The following ASTN2 variants were observed in gnomAD, a reference collection of about 807,000 sequenced individuals.
ASTN2 encodes the protein astrotactin-2.
A neutral mutation model predicts 139.8 loss-of-function variants in ASTN2; 54 were observed. That is an observed-to-expected ratio of 0.39 (90% CI 0.31 to 0.48). The LOEUF is 0.48. ASTN2 is among the 20% of genes least tolerant of loss of function. The probability of loss-of-function intolerance (pLI) is 0.95; values close to 1 mark genes in which losing one functional copy is unlikely to be tolerated. For synonymous variants in ASTN2, 756 were observed against 719.5 expected, an observed-to-expected ratio of 1.05 and a Z score of -0.81; for missense variants, 1,565 against 1,725.1, an observed-to-expected ratio of 0.91 and a Z score of 1.64.
rs199517410 is a variant in ASTN2 at position 116,557,456 on chromosome 9, TAAATG to T, written c.3355+60863_3355+60867del. ...TCTAATTTTTGCAGTATTCTTGGAT[TAAATG>T]AAAGTATTTATAGCACACAGCATGA... On this transcript the variant is annotated intron_variant, in intron 19 of 22. Coordinates refer to ENST00000313400, the MANE Select transcript of ASTN2 (RefSeq NM_001365068.1). Among the ~76,000 whole-genome samples the T allele has an allele frequency of 6.9e-3, 1,048 of 152,248 alleles. 9 individuals are homozygous for T. Among genetic ancestry groups the T allele is most frequent in the African/African-American group, 0.023 (969 of 41,546 alleles).
chr9:116,555,458 AC>A (rs1232829324), intron 19 of ASTN2, among the ~76,000 whole-genome samples: 7 of 152,160 alleles, frequency 4.6e-5, no homozygotes, highest in Non-Finnish European at 8.8e-5. Flanking sequence ...AACCAGGACA[AC>A]CCTAAACTGT....
intron 10 of ASTN2, among the ~76,000 whole-genome samples, chr9:116,970,766 G>A (rs1457137198): frequency 6.6e-6 from 1 of 152,112 alleles, no homozygotes; most frequent in Non-Finnish European, 1.5e-5. Context: ...TATTCTTTCA[G>A]CGTTGTTCAG....
At chr9:116,529,738 C>T (rs866391197) in intron 19 of ASTN2, among the ~76,000 whole-genome samples, 5 of 151,928 alleles carry the variant, frequency 3.3e-5, no homozygotes, top group Admixed American at 2.0e-4. Context: ...TGAGTGAGTT[C>T]TCATGAGATC....
intron 6 of ASTN2, among the ~76,000 whole-genome samples, chr9:117,023,659 C>G (rs1046318030): frequency 6.6e-6 from 1 of 151,930 alleles, no homozygotes; most frequent in Non-Finnish European, 1.5e-5. Context: ...TGCCCCATGA[C>G]ACATAAGAAA....
chr9:117,066,120 A>C lies in ASTN2; in HGVS notation c.1277-26155T>G. Reference sequence around the variant, plus strand: ...GCCATGCTGGTGCACTGCACCCACTAACTCGTCATCTAGCATTAGGTATAT... The same window carrying C: ...GCCATGCTGGTGCACTGCACCCACTCACTCGTCATCTAGCATTAGGTATAT... On this transcript the variant is annotated intron_variant, in intron 5 of 22. Transcript: ENST00000313400. 2.1e-5 allele frequency among the ~76,000 whole-genome samples: 3 copies of C among 140,000 alleles called. No homozygotes were observed. In the South Asian group the frequency reaches 7.7e-4, roughly 36 times the overall value. The allele number at this position is 140,000 out of a possible 152,430, so 91.8% of individuals were successfully genotyped here.
At chr9:116,634,706 T>G (rs1856988614) in intron 17 of ASTN2, among the ~76,000 whole-genome samples, 1 of 152,186 alleles carries the variant, frequency 6.6e-6, no homozygotes, top group African/African-American at 2.4e-5. Flanking sequence ...TGGAATTATT[T>G]TTATTCTTTG....
intron 7 of ASTN2, among the ~76,000 whole-genome samples, chr9:116,988,259 C>A (rs1836741133): frequency 6.6e-6 from 1 of 152,170 alleles, no homozygotes; most frequent in Non-Finnish European, 1.5e-5. Flanking sequence ...CTTTGTAAAA[C>A]TTCCTGTCTC....
chr9:117,040,578 C>T (rs533488508), intron 5 of ASTN2, among the ~76,000 whole-genome samples: 1 of 152,288 alleles, frequency 6.6e-6, no homozygotes, highest in South Asian at 2.1e-4. Flanking sequence ...CCCACTTCAG[C>T]CTCCTGAGTA....
chr9:117,293,837 A>G (rs1456785202), intron 1 of ASTN2, among the ~76,000 whole-genome samples: 1 of 152,234 alleles, frequency 6.6e-6, no homozygotes, highest in African/African-American at 2.4e-5. Flanking sequence ...CAGGGCTGAA[A>G]GCTGCACTAG....
At chr9:116,589,703 C>T (rs1477112831) in intron 19 of ASTN2, among the ~76,000 whole-genome samples, 1 of 152,188 alleles carries the variant, frequency 6.6e-6, no homozygotes, top group East Asian at 1.9e-4. Context: ...GCTTAGACTC[C>T]CAAGCCTCCA....
chr9:117,171,099 C>T (rs1043444870), intron 3 of ASTN2, among the ~76,000 whole-genome samples: 3 of 151,986 alleles, frequency 2.0e-5, no homozygotes, highest in African/African-American at 7.2e-5. Flanking sequence ...GGACTAACTT[C>T]TCAGGATGCT....
In ASTN2 at chr9:116,926,572, T is replaced by A. The variant is rs907450176; in HGVS notation, c.1889+48636A>T. On this transcript the variant is annotated intron_variant, in intron 10 of 22. Transcript: ENST00000313400. ...GGAGTTACAAGAGATGTTTGACCAA[T>A]GCTCATAATAATACATCTAGCCATG... is the stretch of plus-strand genomic sequence containing the variant. Among the ~76,000 whole-genome samples the A allele has an allele frequency of 3.9e-5, 6 of 152,240 alleles. No homozygotes were observed. The East Asian group carries it at 1.2e-3, about 29-fold the overall frequency.
At chr9:116,811,063 C>T (rs577695276) in intron 12 of ASTN2, among the ~76,000 whole-genome samples, 15 of 152,120 alleles carry the variant, frequency 9.9e-5, no homozygotes, top group Admixed American at 3.9e-4. Context: ...GTAATGTGTT[C>T]GTGTTCTTTC....
At chr9:117,167,140 G>GA (rs1387632809) in intron 3 of ASTN2, among the ~76,000 whole-genome samples, 2 of 151,958 alleles carry the variant, frequency 1.3e-5, no homozygotes, top group South Asian at 2.1e-4. Context: ...AATGGGATCT[G>GA]AAAAAAACCT....
At chr9:117,134,851 G>A (rs950469059) in intron 4 of ASTN2, among the ~76,000 whole-genome samples, 5 of 152,094 alleles carry the variant, frequency 3.3e-5, no homozygotes, top group African/African-American at 1.2e-4. Context: ...ACACACATGT[G>A]GCAAACTAAA....
chr9:117,074,951 G>T (rs1038828186), intron 5 of ASTN2, among the ~76,000 whole-genome samples: 1 of 152,164 alleles, frequency 6.6e-6, no homozygotes, highest in African/African-American at 2.4e-5. Context: ...CTACACCGAG[G>T]TCTGTAAATT....
intron 19 of ASTN2, among the ~76,000 whole-genome samples, chr9:116,565,419 A>T (rs71495184): frequency 0.097 from 8,398 of 86,518 alleles, 1,173 homozygotes; most frequent in South Asian, 0.41. Flanking sequence ...ATATATATAT[A>T]TATATATATA....
rs191830365 is a variant in ASTN2, at chr9:117,030,288, C to T, written c.1423+9531G>A. Among the ~76,000 whole-genome samples the T allele has an allele frequency of 4.8e-3, 731 of 152,278 alleles. 1 individual carries two copies. The highest frequency in any genetic ancestry group is 8.4e-3 in the Non-Finnish European group (574 of 68,018). ...GCTCCCACCCAGCATTCTCTCTTTC[C>T]GTTCTAAAAGTCAAAGTGGCCTTCT... On this transcript the variant is annotated intron_variant, in intron 6 of 22. Transcript: ENST00000313400.
intron 22 of ASTN2, among the ~76,000 whole-genome samples, chr9:116,427,431 C>A (rs1345479409): frequency 6.6e-6 from 1 of 152,182 alleles, no homozygotes; most frequent in Non-Finnish European, 1.5e-5. Flanking sequence ...ATATCTTTAT[C>A]CCAGGTCACA....
Sources: allele counts gnomAD v4.1 joint callset (sites outside exome capture counted in the v4.1 genomes callset), GRCh38; gene constraint gnomAD v4.1.1; transcripts MANE v1.5; gene names NCBI Gene and HGNC (gene_info 2026-07-23, HGNC 2026-07-21).